Variants in NEDD4L observed in about 807,000 individuals in gnomAD.
NEDD4L encodes E3 ubiquitin-protein ligase NEDD4-like.
A neutral mutation model predicts 148.9 loss-of-function variants in NEDD4L; 54 were observed. The ratio of observed to expected loss-of-function variants is 0.36; its 90% CI spans 0.29 to 0.45. The LOEUF is 0.45. Ranked by LOEUF, NEDD4L falls within the 20% of genes least tolerant of loss-of-function variation. The pLI, the probability that NEDD4L is intolerant of heterozygous loss-of-function variation, is 1.00. For missense variants in NEDD4L, 856 were observed against 1,233.8 expected, an observed-to-expected ratio of 0.69 and a Z score of 4.59; for synonymous variants, 433 against 440.7, an observed-to-expected ratio of 0.98 and a Z score of 0.22.
intron 1 of NEDD4L, among the ~76,000 whole-genome samples, chr18:58,098,177 A>G (rs922985233): frequency 2.0e-5 from 3 of 152,086 alleles, no homozygotes; most frequent in African/African-American, 7.2e-5. Flanking sequence ...GTTCATGCCT[A>G]AGGTCAGCTG....
intron 6 of NEDD4L, among the ~76,000 whole-genome samples, chr18:58,317,518 T>C (rs1485755906): frequency 6.6e-6 from 1 of 152,160 alleles, no homozygotes; most frequent in East Asian, 1.9e-4. Context: ...GAGGCAAATA[T>C]TCTAATATTT....
At chr18:58,139,062 ATTT>A (rs1568271475) in intron 1 of NEDD4L, among the ~76,000 whole-genome samples, 1 of 152,172 alleles carries the variant, frequency 6.6e-6, no homozygotes, top group African/African-American at 2.4e-5. Context: ...CCTTGCCTTT[ATTT>A]TACCTGATAT....
At chr18:58,167,615 T>C (rs2037024689) in intron 2 of NEDD4L, among the ~76,000 whole-genome samples, 1 of 152,234 alleles carries the variant, frequency 6.6e-6, no homozygotes, top group Non-Finnish European at 1.5e-5. Context: ...GGTTTCCTAG[T>C]ATTTCTTTCA....
chr18:58,387,384 A>T (rs2049173682), intron 26 of NEDD4L, 55 bp from the exon 27 acceptor site: 19 of 1,260,846 alleles, frequency 1.5e-5, no homozygotes, highest in Non-Finnish European at 1.8e-5. Flanking sequence ...TTCCTGTGAA[A>T]TTTTTTTTTT....
At chr18:58,084,575 A>G (rs1458104793) in intron 1 of NEDD4L, among the ~76,000 whole-genome samples, 1 of 152,032 alleles carries the variant, frequency 6.6e-6, no homozygotes, top group Non-Finnish European at 1.5e-5. Context: ...AGAAGTCCAA[A>G]ATCAAGATGT....
chr18:58,363,818 C>T (rs1285603929), intron 19 of NEDD4L, among the ~76,000 whole-genome samples: 1 of 152,102 alleles, frequency 6.6e-6, no homozygotes, highest in Admixed American at 6.5e-5. Context: ...CCTTTCTGCT[C>T]GTTGTATTTC....
rs2041367729 is a variant in NEDD4L at position 58,333,885 on chromosome 18, T to A, written c.1058T>A (p.Leu353Gln). 1.2e-6 allele frequency: 2 copies of A among 1,611,846 alleles called. No individual in the cohort carries two copies. Among genetic ancestry groups the A allele is most frequent in the African/African-American group, 1.3e-5 (1 of 74,896 alleles). Residue 353 changes from leucine to glutamine, a missense_variant, in exon 12 of 31, where the codon CTA becomes CAA. Coordinates refer to ENST00000400345, the MANE Select transcript of NEDD4L (RefSeq NM_001144967.3). ...GACGCAGTTGCAGAACAGGGCCATC[T>A]ACCACCGGTAACCCATGCTAATTTC... ...VTDAVAEQGH[L>Q]PPPSAPAGRA...
chr18:58,289,480 A>G (rs1348969435), intron 5 of NEDD4L, among the ~76,000 whole-genome samples: 2 of 152,238 alleles, frequency 1.3e-5, no homozygotes, highest in Non-Finnish European at 2.9e-5. Context: ...TACGTTTACT[A>G]CAAGAATCTG....
At chr18:58,368,916 CAGA>C (rs2046453393) in intron 22 of NEDD4L, among the ~76,000 whole-genome samples, 1 of 152,214 alleles carries the variant, frequency 6.6e-6, no homozygotes. Flanking sequence ...CCAACTTTCT[CAGA>C]AGGTCAGTTT....
chr18:58,068,286 G>A (rs776197084), intron 1 of NEDD4L, among the ~76,000 whole-genome samples: 4 of 145,386 alleles, frequency 2.8e-5, no homozygotes, highest in South Asian at 2.2e-4. Flanking sequence ...TGCAAACTCC[G>A]CCTCCCAGGT....
At position 58,044,386 on chromosome 18, in the gene NEDD4L, T is replaced by G. The variant is rs4496245; in HGVS notation, c.-275T>G. The G allele has an allele frequency of 0.92, 193,923 of 210,524 alleles. 89,557 individuals are homozygous for G. The highest frequency in any genetic ancestry group is 1 in the East Asian group (8,962 of 8,968). The allele number at this position is 210,524 out of a possible 1,614,324, so 13.0% of individuals were successfully genotyped here. Reference sequence around the variant, plus strand: ...GGGTCTGCGCCGCCGCCGCGCGCAGTGAGAGGCGCCGGGGCTGCCGCCCGG... The same window carrying G: ...GGGTCTGCGCCGCCGCCGCGCGCAGGGAGAGGCGCCGGGGCTGCCGCCCGG... On this transcript the variant is annotated 5_prime_UTR_variant, in exon 1 of 31. Coordinates refer to ENST00000400345, the MANE Select transcript of NEDD4L (RefSeq NM_001144967.3).
At chr18:58,168,393 T>C (rs2037128907) in intron 2 of NEDD4L, among the ~76,000 whole-genome samples, 1 of 152,206 alleles carries the variant, frequency 6.6e-6, no homozygotes, top group African/African-American at 2.4e-5. Flanking sequence ...GCATTCTCCC[T>C]CCATGCTATC....
intron 1 of NEDD4L, among the ~76,000 whole-genome samples, chr18:58,107,697 A>G (rs1364224462): frequency 1.3e-5 from 2 of 151,758 alleles, no homozygotes; most frequent in Non-Finnish European, 2.9e-5. Flanking sequence ...CCCAAGCTGG[A>G]CAACAGAGCA....
chr18:58,146,665 C>A (rs2034128165), intron 1 of NEDD4L, among the ~76,000 whole-genome samples: 1 of 152,186 alleles, frequency 6.6e-6, no homozygotes, highest in South Asian at 2.1e-4. Context: ...ATGGTGGGAG[C>A]AATTTGGAGA....
intron 30 of NEDD4L, 114 bp downstream of exon 30, chr18:58,391,673 A>AC: frequency 1.4e-6 from 1 of 717,240 alleles, no homozygotes; most frequent in Non-Finnish European, 2.4e-6. Context: ...TAGCTTAGAG[A>AC]ATTAAAGGAC....
chr18:58,295,796 C>G (rs751932049), intron 5 of NEDD4L, among the ~76,000 whole-genome samples: 4 of 151,388 alleles, frequency 2.6e-5, no homozygotes, highest in Non-Finnish European at 5.9e-5. Context: ...CCAGGGCAGA[C>G]AAATAAAAAG....
intron 1 of NEDD4L, chr18:58,149,491 A>G (rs1599115626): frequency 6.4e-7 from 1 of 1,550,988 alleles, no homozygotes; most frequent in Non-Finnish European, 8.7e-7. Context: ...TGAGTTTTCC[A>G]GCTTTCCTTT....
At chr18:58,347,459 G>A (rs1235863840) in intron 16 of NEDD4L, among the ~76,000 whole-genome samples, 1 of 152,014 alleles carries the variant, frequency 6.6e-6, no homozygotes, top group Non-Finnish European at 1.5e-5. Flanking sequence ...GCATTGAGTG[G>A]GTAGCTTTTG....
intron 18 of NEDD4L, among the ~76,000 whole-genome samples, chr18:58,352,710 G>A (rs2044068795): frequency 6.6e-6 from 1 of 152,176 alleles, no homozygotes; most frequent in Admixed American, 6.5e-5. Context: ...CACAATCACA[G>A]TTTTAAGACA....
Sources: allele counts gnomAD v4.1 joint callset (sites outside exome capture counted in the v4.1 genomes callset), GRCh38; gene constraint gnomAD v4.1.1; transcripts MANE v1.5; gene names NCBI Gene and HGNC (gene_info 2026-07-23, HGNC 2026-07-21).